The following CA10 variants were observed in gnomAD, a reference collection of about 807,000 sequenced individuals.
The protein encoded by CA10 is carbonic anhydrase-related protein 10.
In CA10, 14 loss-of-function variants were observed where a neutral mutation model predicts 44.2. That is an observed-to-expected ratio of 0.32 (90% CI 0.21 to 0.50). The LOEUF is 0.50. Ranked by LOEUF, CA10 falls within the 20% of genes least tolerant of loss-of-function variation. The pLI is 0.99. For synonymous variants in CA10, 159 were observed against 141.6 expected (o/e 1.12, Z -0.87); for missense variants, 350 against 409.7 (o/e 0.85, Z 1.26).
At chr17:51,856,983 A>C (rs1457292565) in intron 3 of CA10, among the ~76,000 whole-genome samples, 2 of 152,310 alleles carry the variant, frequency 1.3e-5, no homozygotes, top group African/African-American at 2.4e-5. Flanking sequence ...CTGTGTGTAC[A>C]TGTGTTACAG....
At chr17:51,855,038 T>C (rs1465293567) in intron 3 of CA10, among the ~76,000 whole-genome samples, 2 of 152,162 alleles carry the variant, frequency 1.3e-5, no homozygotes, top group Non-Finnish European at 2.9e-5. Flanking sequence ...GAAGGTTGAG[T>C]GCAAAACCTG....
Position 51,630,447 on chromosome 17 carries a change from T to C in CA10, c.*1137A>G, listed in dbSNP as rs1484156267. 1.3e-5 allele frequency: 2 copies of C among 152,654 alleles called. No homozygotes were observed. The highest frequency in any genetic ancestry group is 2.9e-5 in the Non-Finnish European group (2 of 68,050). The allele number at this position is 152,654 out of a possible 1,614,324, so 9.5% of individuals were successfully genotyped here. ...TCTGGCTGCACCTGGAGAGAAAACA[T>C]ACCCCTTTCCCAGGAACTTACAAGG... On this transcript the variant is annotated 3_prime_UTR_variant, in exon 9 of 9. Transcript: ENST00000451037.
At chr17:51,657,948 C>T (rs1597967298) in intron 4 of CA10, among the ~76,000 whole-genome samples, 1 of 152,222 alleles carries the variant, frequency 6.6e-6, no homozygotes, top group Admixed American at 6.5e-5. Flanking sequence ...GTTTAGTTGG[C>T]ATTACCATGT....
At chr17:52,053,803 T>C (rs1224504920) in intron 2 of CA10, among the ~76,000 whole-genome samples, 1 of 152,122 alleles carries the variant, frequency 6.6e-6, no homozygotes, top group Non-Finnish European at 1.5e-5. Context: ...TTAATACTTT[T>C]ATAATTTCTC....
At chr17:51,705,200 T>C (rs573925324) in intron 4 of CA10, among the ~76,000 whole-genome samples, 2 of 152,294 alleles carry the variant, frequency 1.3e-5, no homozygotes, top group East Asian at 1.9e-4. Context: ...TGTGGCCCAC[T>C]TGTACCTTTC....
At chr17:51,898,592 T>C (rs527578821) in intron 3 of CA10, among the ~76,000 whole-genome samples, 1 of 152,262 alleles carries the variant, frequency 6.6e-6, no homozygotes, top group African/African-American at 2.4e-5. Context: ...AAGTCCCTTC[T>C]CCTCAGCTTT....
intron 1 of CA10, among the ~76,000 whole-genome samples, chr17:52,108,205 T>TATAC (rs1292300718): frequency 4.4e-5 from 1 of 22,954 alleles, no homozygotes; most frequent in African/African-American, 1.3e-3. Flanking sequence ...TATATATATA[T>TATAC]ATATATATAT....
At chr17:51,700,459 C>A (rs983769870) in intron 4 of CA10, among the ~76,000 whole-genome samples, 1 of 152,216 alleles carries the variant, frequency 6.6e-6, no homozygotes, top group Non-Finnish European at 1.5e-5. Context: ...GCTCTGGCCA[C>A]ATTGGCCTCC....
chr17:52,032,035 T>C (rs773821061), intron 2 of CA10, among the ~76,000 whole-genome samples: 2 of 152,178 alleles, frequency 1.3e-5, no homozygotes, highest in Non-Finnish European at 2.9e-5. Flanking sequence ...ATCGAGTAAG[T>C]TAAAAGCACC....
chr17:51,852,475 T>C (rs1055265929), intron 3 of CA10, among the ~76,000 whole-genome samples: 1 of 152,218 alleles, frequency 6.6e-6, no homozygotes, highest in African/African-American at 2.4e-5. Context: ...CACTTGCTTA[T>C]ATGTTAAATT....
chr17:51,740,330 T>G (rs1904406720), intron 4 of CA10, among the ~76,000 whole-genome samples: 2 of 152,174 alleles, frequency 1.3e-5, no homozygotes, highest in African/African-American at 4.8e-5. Context: ...CACTATGGCC[T>G]ATCAGTCTTT....
chr17:52,014,462 T>C (rs1426016940), intron 2 of CA10, among the ~76,000 whole-genome samples: 1 of 151,944 alleles, frequency 6.6e-6, no homozygotes, highest in Non-Finnish European at 1.5e-5. Flanking sequence ...ATTAATACAA[T>C]TCAAGAATTT....
In CA10 at chr17:52,158,357, G is replaced by A. The variant is rs1989863777; in HGVS notation, c.-571C>T. Reference sequence around the variant, plus strand: ...TCGGAGGGTGGCTGCTGCGCTCCGGGGCAGTTCTTCTCCTGCTTCCGGGGG... The same window carrying A: ...TCGGAGGGTGGCTGCTGCGCTCCGGAGCAGTTCTTCTCCTGCTTCCGGGGG... On this transcript the variant is annotated 5_prime_UTR_variant, in exon 1 of 9. Coordinates refer to ENST00000451037, the MANE Select transcript of CA10 (RefSeq NM_020178.5). 2.2e-5 allele frequency: 4 copies of A among 182,938 alleles called. No individual in the cohort carries two copies. The highest frequency in any genetic ancestry group is 1.6e-4 in the East Asian group (1 of 6,114). The allele number at this position is 182,938 out of a possible 1,614,324, so 11.3% of individuals were successfully genotyped here.
At chr17:51,986,608 A>G (rs1462342861) in intron 2 of CA10, among the ~76,000 whole-genome samples, 2 of 152,092 alleles carry the variant, frequency 1.3e-5, no homozygotes, top group Non-Finnish European at 2.9e-5. Context: ...CAGTCTATAC[A>G]TTTGACAAAA....
chr17:52,068,735 G>A (rs892844772), intron 2 of CA10, among the ~76,000 whole-genome samples: 4 of 152,148 alleles, frequency 2.6e-5, no homozygotes, highest in African/African-American at 4.8e-5. Context: ...TAGAAGATAT[G>A]GGTTTTTCTC....
rs533183793 is a variant in CA10 at position 51,849,163 on chromosome 17, G to A, written c.279+81827C>T. ...TAGTTTTTTATATATATACATATAT[G>A]TATATATATATACATATATGTATAT... On this transcript the variant is annotated intron_variant, in intron 3 of 8. Transcript: ENST00000451037. 6.1e-4 allele frequency among the ~76,000 whole-genome samples: 55 copies of A among 90,240 alleles called. No individual in the cohort carries two copies. In the East Asian group the frequency reaches 0.011, roughly 18 times the overall value. The allele number at this position is 90,240 out of a possible 152,430, so 59.2% of individuals were successfully genotyped here.
At chr17:52,044,367 G>A (rs1986851433) in intron 2 of CA10, among the ~76,000 whole-genome samples, 1 of 152,046 alleles carries the variant, frequency 6.6e-6, no homozygotes, top group African/African-American at 2.4e-5. Flanking sequence ...ACAGTTGCAT[G>A]ATCATTGCTC....
intron 2 of CA10, among the ~76,000 whole-genome samples, chr17:52,065,267 C>T (rs1390217690): frequency 6.6e-6 from 1 of 152,194 alleles, no homozygotes; most frequent in Non-Finnish European, 1.5e-5. Flanking sequence ...CTTTTTAAAA[C>T]CTTGAGTACT....
At chr17:51,717,745 A>ACATATATACGTATATATG (rs1916187471) in intron 4 of CA10, among the ~76,000 whole-genome samples, 1 of 21,656 alleles carries the variant, frequency 4.6e-5, no homozygotes, top group African/African-American at 1.3e-4. Flanking sequence ...ACGTATATAT[A>ACATATATACGTATATATG]CATGTATATA....
Sources: gnomAD v4.1 joint callset for allele counts (sites outside exome capture counted in the v4.1 genomes callset) on GRCh38, gnomAD v4.1.1 for gene constraint, MANE v1.5 for transcripts, NCBI Gene and HGNC (gene_info 2026-07-23, HGNC 2026-07-21) for gene names.